Variants in DISC1 observed in about 807,000 individuals in gnomAD.
The protein encoded by DISC1 is DISC1 scaffold protein.
Under a neutral mutation model 84.5 loss-of-function variants are expected in DISC1, and 57 were observed. The ratio of observed to expected loss-of-function variants is 0.67; its 90% confidence interval spans 0.55 to 0.84. The LOEUF (loss-of-function observed/expected upper bound fraction) is 0.84. Among genes scored for constraint, DISC1 ranks in the 40% least tolerant of loss-of-function variants. DISC1 has a pLI of 0.00. For synonymous variants in DISC1, 411 were observed against 415.2 expected, an observed-to-expected ratio of 0.99 and a Z score of 0.12; for missense variants, 1,000 against 1,057.8, an observed-to-expected ratio of 0.95 and a Z score of 0.76.
intron 9 of DISC1, among the ~76,000 whole-genome samples, chr1:231,833,414 A>G (rs2082390831): frequency 6.6e-6 from 1 of 151,668 alleles, no homozygotes; most frequent in African/African-American, 2.4e-5. Flanking sequence ...GAGTTACCCA[A>G]ATCTCGGCAT....
chr1:231,784,229 C>T (rs2077660121), intron 6 of DISC1, among the ~76,000 whole-genome samples: 1 of 150,784 alleles, frequency 6.6e-6, no homozygotes, highest in Non-Finnish European at 1.5e-5. Context: ...CACCATTGCA[C>T]TCCAGCCTGG....
At chr1:231,905,039 A>G (rs1481682713) in intron 9 of DISC1, among the ~76,000 whole-genome samples, 1 of 152,242 alleles carries the variant, frequency 6.6e-6, no homozygotes, top group Admixed American at 6.5e-5. Context: ...ACATCCCCTC[A>G]GAATACTTAT....
At chr1:231,685,548 G>A in intron 1 of DISC1, among the ~76,000 whole-genome samples, 1 of 152,114 alleles carries the variant, frequency 6.6e-6, no homozygotes, top group Non-Finnish European at 1.5e-5. Context: ...TGCCTCCTGG[G>A]TTCAAGCGAT....
chr1:231,866,588 G>A (rs1033306209), intron 9 of DISC1: 12 of 1,378,790 alleles, frequency 8.7e-6, no homozygotes, highest in Admixed American at 1.7e-5. Context: ...AGGACAGCCT[G>A]CAGGACACAG....
chr1:231,946,815 GACAA>G (rs1393685885), intron 9 of DISC1, among the ~76,000 whole-genome samples: 5 of 152,156 alleles, frequency 3.3e-5, no homozygotes, highest in African/African-American at 4.8e-5. Flanking sequence ...ACCAATAACA[GACAA>G]ACAGAGACCC....
chr1:231,732,712 A>C (rs1157418736), intron 3 of DISC1, among the ~76,000 whole-genome samples: 1 of 152,210 alleles, frequency 6.6e-6, no homozygotes, highest in Non-Finnish European at 1.5e-5. Flanking sequence ...CTCTTTCTCC[A>C]GTAAGTGCTT....
At chr1:231,794,290 C>T (rs1202251821) in intron 6 of DISC1, among the ~76,000 whole-genome samples, 2 of 151,236 alleles carry the variant, frequency 1.3e-5, no homozygotes, top group Non-Finnish European at 2.9e-5. Flanking sequence ...CTTTTCACCT[C>T]TTCTGGTAAG....
At chr1:231,743,910 AC>A (rs2073645678) in intron 3 of DISC1, among the ~76,000 whole-genome samples, 2 of 152,070 alleles carry the variant, frequency 1.3e-5, no homozygotes. Context: ...CCTTTCCTCT[AC>A]CTTTTTGGGA....
rs1208212166 is a variant in DISC1, at chr1:231,694,185, TG to T, written c.429del (p.Trp143CysfsTer40). ...SWPCGPGSAG[W>X]QQEFAAMDSS... ...GCCGTGTGGCCCTGGGAGTGCTGGG[TG>T]GCAGCAAGAGTTTGCAGCCATGGAT... On this transcript the variant is annotated frameshift_variant, in exon 2 of 13. Transcript: ENST00000439617. LOFTEE classifies it high-confidence loss of function. 1 of 1,614,116 alleles carries T rather than the reference TG, an allele frequency of 6.2e-7. No individual in the cohort carries two copies. The highest frequency in any genetic ancestry group is 1.1e-5 in the South Asian group (1 of 91,078).
At chr1:231,656,788 T>C (rs2061133468) in intron 1 of DISC1, among the ~76,000 whole-genome samples, 1 of 152,166 alleles carries the variant, frequency 6.6e-6, no homozygotes, top group Non-Finnish European at 1.5e-5. Flanking sequence ...TCCCACCCAC[T>C]GCCCACTGAT....
intron 9 of DISC1, among the ~76,000 whole-genome samples, chr1:231,879,392 A>G (rs2086128480): frequency 6.6e-6 from 1 of 151,956 alleles, no homozygotes; most frequent in African/African-American, 2.4e-5. Flanking sequence ...CAGTTTTACA[A>G]AGTGGCCATT....
chr1:231,641,984 G>T (rs1261705341), intron 1 of DISC1, among the ~76,000 whole-genome samples: 1 of 152,240 alleles, frequency 6.6e-6, no homozygotes, highest in African/African-American at 2.4e-5. Context: ...ATGGGACTGG[G>T]CGCTGTGGAG....
At chr1:231,998,797 T>A (rs1479199609) in intron 10 of DISC1, among the ~76,000 whole-genome samples, 3 of 152,164 alleles carry the variant, frequency 2.0e-5, no homozygotes, top group Non-Finnish European at 4.4e-5. Context: ...TTACTGTTGA[T>A]GACATACAGA....
At chr1:231,980,940 G>A (rs1029521327) in intron 10 of DISC1, among the ~76,000 whole-genome samples, 2 of 152,142 alleles carry the variant, frequency 1.3e-5, no homozygotes, top group Non-Finnish European at 2.9e-5. Flanking sequence ...AGGGAAAATC[G>A]CCTTTTATAT....
intron 9 of DISC1, among the ~76,000 whole-genome samples, chr1:231,821,466 A>C (rs2081490797): frequency 6.6e-6 from 1 of 152,180 alleles, no homozygotes; most frequent in Non-Finnish European, 1.5e-5. Flanking sequence ...CAATCTCTAT[A>C]AAGAGATGAT....
intron 9 of DISC1, among the ~76,000 whole-genome samples, chr1:231,883,826 C>T (rs201721648): frequency 7.2e-5 from 11 of 152,228 alleles, no homozygotes; most frequent in Admixed American, 2.6e-4. Flanking sequence ...AAACATGATG[C>T]GTTCAGGGTT....
At position 231,770,827 on chromosome 1, in the gene DISC1, C is replaced by A. The variant is rs781542801; in HGVS notation, c.1399-8C>A. The A allele has an allele frequency of 8.1e-6, 13 of 1,613,574 alleles. No individual in the cohort carries two copies. Among genetic ancestry groups the A allele is most frequent in the Middle Eastern group, 1.6e-4 (1 of 6,062 alleles). On this transcript the variant is annotated splice_region_variant and splice_polypyrimidine_tract_variant and intron_variant, in intron 5 of 12. Transcript: ENST00000439617. ...ATTTATAAAATCTTGTCTCCTCATT[C>A]TCTACAGAAAGAAATCGAAGCTCTC...
At chr1:231,813,738 T>C (rs2080579533) in intron 8 of DISC1, among the ~76,000 whole-genome samples, 1 of 152,188 alleles carries the variant, frequency 6.6e-6, no homozygotes, top group African/African-American at 2.4e-5. Context: ...CCTTGCCCAT[T>C]GCTCTCTAAC....
chr1:231,627,529 G>A (rs537724218), intron 1 of DISC1, among the ~76,000 whole-genome samples: 1 of 152,364 alleles, frequency 6.6e-6, no homozygotes, highest in African/African-American at 2.4e-5. Context: ...CAGTAACGGG[G>A]ATGGCCCAAG....
Sources: gnomAD v4.1 joint callset for allele counts (sites outside exome capture counted in the v4.1 genomes callset) on GRCh38, gnomAD v4.1.1 for gene constraint, MANE v1.5 for transcripts, NCBI Gene and HGNC (gene_info 2026-07-23, HGNC 2026-07-21) for gene names.